Variants in FOXQ1 observed in about 807,000 individuals in gnomAD.
The protein encoded by FOXQ1 is forkhead box protein Q1.
Under a neutral mutation model 0.6 loss-of-function variants are expected in FOXQ1, and 1 was observed. That is an observed-to-expected ratio of 1.73 (90% CI 0.61 to 8.20). FOXQ1 has a LOEUF of 8.20. Among genes scored for constraint, FOXQ1 ranks in the 30% most tolerant of loss-of-function variants. The probability of loss-of-function intolerance (pLI) is 0.13; values close to 1 mark genes in which losing one functional copy is unlikely to be tolerated. For missense variants in FOXQ1, 734 were observed against 595.6 expected (o/e 1.23, Z -2.42); for synonymous variants, 377 against 294.4 (o/e 1.28, Z -2.87).
rs1256212771 is a variant in FOXQ1 at position 1,312,796 on chromosome 6, C to T, written c.92C>T (p.Pro31Leu). Residue 31 changes from proline (P) to leucine (L), a missense_variant, in exon 1 of 1, where the codon CCG becomes CTG. Transcript: ENST00000296839. ...GCGGGCGGCAGCGACGCGCCGTCCC[C>T]GCTGTCGGCGGCGGGAGACGACTCC... Reference protein sequence around the residue: ...EGAGGSDAPSPLSAAGDDSLG... With the variant: ...EGAGGSDAPSLLSAAGDDSLG... 1.2e-5 allele frequency: 15 copies of T among 1,303,060 alleles called. No homozygotes were observed. In the Admixed American group the frequency reaches 2.1e-4, roughly 18 times the overall value. The allele number at this position is 1,303,060 out of a possible 1,614,324, so 80.7% of individuals were successfully genotyped here.
rs1757613042 is a variant in FOXQ1 at position 1,314,596 on chromosome 6, G to A, written c.*680G>A. On this transcript the variant is annotated 3_prime_UTR_variant, in exon 1 of 1. Transcript: ENST00000296839. ...AAGCAATTTCTTTAAAGGAAAAGTT[G>A]ATTATGTATGTGGGGTGCCAGGACC... The A allele has an allele frequency of 6.0e-6, 1 of 166,924 alleles. No individual in the cohort carries two copies. Among genetic ancestry groups the A allele is most frequent in the African/African-American group, 2.4e-5 (1 of 41,444 alleles). The allele number at this position is 166,924 out of a possible 1,614,324, so 10.3% of individuals were successfully genotyped here.
Position 1,312,765 on chromosome 6 carries a change from G to A in FOXQ1, c.61G>A (p.Glu21Lys), listed in dbSNP as rs1757568475. The stretch of plus-strand genomic sequence containing the variant: ...CGGGGACAAGCAGGGCAGTGACCTG[G>A]AGGGCGCGGGCGGCAGCGACGCGCC... ...AHGDKQGSDL[E>K]GAGGSDAPSP... is the part of the protein sequence containing the mutation. The change falls in exon 1 of 1, where the codon GAG becomes AAG. Residue 21 changes from glutamate to lysine, a missense_variant. Glu to Lys is a moderately conservative substitution (Grantham distance 56). Transcript: ENST00000296839. The A allele has an allele frequency of 2.3e-6, 3 of 1,325,054 alleles. No homozygotes were observed. The highest frequency in any genetic ancestry group is 6.2e-5 in the East Asian group (2 of 32,422). 82.1% of individuals were successfully genotyped at this position (1,325,054 alleles called of 1,614,324 possible). A position where few individuals can be genotyped will look rare whatever the true frequency, so the allele number is the denominator to read the frequency against.
chr6:1,312,851 C>T lies in FOXQ1; in HGVS notation c.147C>T (p.Asn49=), dbSNP rs1343247716. Residue 49 remains asparagine, a synonymous_variant, in exon 1 of 1, where the codon AAC becomes AAT. Transcript: ENST00000296839. The stretch of plus-strand genomic sequence containing the variant: ...GCTCAGATGGGGACTGCGCGGCCAA[C>T]AGCCCGGCCGCGGGCGGCGGCGCCA... The part of the protein sequence containing the change: ...SLGSDGDCAA[N]SPAAGGGARD... 7.8e-7 allele frequency: 1 copy of T among 1,277,576 alleles called. No homozygotes were observed. Among genetic ancestry groups the T allele is most frequent in the Non-Finnish European group, 9.9e-7 (1 of 1,014,586 alleles). The allele number at this position is 1,277,576 out of a possible 1,614,324, so 79.1% of individuals were successfully genotyped here. A position where few individuals can be genotyped will look rare whatever the true frequency, so the allele number is the denominator to read the frequency against.
In FOXQ1 at chr6:1,313,367, G is replaced by T; in HGVS notation, c.663G>T (p.Pro221=). ...RRRKRLSHRA[P]VPAPGLRPEE... Reference sequence around the variant, plus strand: ...GCAAGCGCCTCAGCCACCGCGCGCCGGTCCCCGCGCCCGGGCTGCGGCCCG... The same window carrying T: ...GCAAGCGCCTCAGCCACCGCGCGCCTGTCCCCGCGCCCGGGCTGCGGCCCG... Residue 221 remains proline (P), a synonymous_variant, in exon 1 of 1, where the codon CCG becomes CCT. Coordinates refer to ENST00000296839, the MANE Select transcript of FOXQ1 (RefSeq NM_033260.4). This position sits in a 1 kb window ranked among gnomAD's most constrained non-coding sequence, Gnocchi z 5.2. The T allele has an allele frequency of 6.6e-7, 1 of 1,511,138 alleles. No individual in the cohort carries two copies. Among genetic ancestry groups the T allele is most frequent in the Non-Finnish European group, 8.9e-7 (1 of 1,128,818 alleles). 93.6% of individuals were successfully genotyped at this position (1,511,138 alleles called of 1,614,324 possible). A position where few individuals can be genotyped will look rare whatever the true frequency, so the allele number is the denominator to read the frequency against.
Position 1,314,420 on chromosome 6 carries a change from A to G in FOXQ1, c.*504A>G, listed in dbSNP as rs1318002036. On this transcript the variant is annotated 3_prime_UTR_variant, in exon 1 of 1. Transcript: ENST00000296839. ...AGAGGCTCTTCAGTGATTTCTTGCTATTGACCGATGCTTCACTGTGCCAAA... is the reference window on the plus strand; with the variant it reads ...AGAGGCTCTTCAGTGATTTCTTGCTGTTGACCGATGCTTCACTGTGCCAAA... 1.2e-5 allele frequency: 2 copies of G among 166,834 alleles called. No homozygotes were observed. Among genetic ancestry groups the G allele is most frequent in the African/African-American group, 2.4e-5 (1 of 41,440 alleles). The allele number at this position is 166,834 out of a possible 1,614,324, so 10.3% of individuals were successfully genotyped here.
Position 1,313,737 on chromosome 6 carries a change from G to A in FOXQ1, c.1033G>A (p.Ala345Thr). 1 of 1,168,384 alleles carries A rather than the reference G, an allele frequency of 8.6e-7. No individual in the cohort carries two copies. Among genetic ancestry groups the A allele is most frequent in the Non-Finnish European group, 1.1e-6 (1 of 949,514 alleles). 72.4% of individuals were successfully genotyped at this position (1,168,384 alleles called of 1,614,324 possible). The change falls in exon 1 of 1, where the codon GCG becomes ACG. Residue 345 changes from alanine to threonine, a missense_variant. Ala to Thr is a moderately conservative substitution (Grantham distance 58). Transcript: ENST00000296839. This position sits in a 1 kb window ranked among gnomAD's most constrained non-coding sequence, Gnocchi z 5.2. The part of the protein sequence containing the change: ...GAREAEVPPT[A>T]PPLLLAPLPA... ...GCGCGAGGCCGAGGTGCCACCGACC[G>A]CGCCGCCCCTCCTGCTTGCACCTCT... is the stretch of plus-strand genomic sequence containing the variant.
At position 1,312,941 on chromosome 6, in the gene FOXQ1, G is replaced by GGCA; in HGVS notation, c.243_245dup (p.Ala85dup). On this transcript the variant is annotated inframe_insertion, in exon 1 of 1. Transcript: ENST00000296839. ...GGCCGGGCGCGGAGGAGGCGATCCC[G>GGCA]GCAGCAGCTGCTGCAGCGGTGGTGG... is the stretch of plus-strand genomic sequence containing the variant. 3.1e-6 allele frequency: 4 copies of GGCA among 1,278,274 alleles called. No individual in the cohort carries two copies. The highest frequency in any genetic ancestry group is 3.9e-6 in the Non-Finnish European group (4 of 1,015,698). 79.2% of individuals were successfully genotyped at this position (1,278,274 alleles called of 1,614,324 possible). A position where few individuals can be genotyped will look rare whatever the true frequency, so the allele number is the denominator to read the frequency against.
chr6:1,312,301 A>C lies in FOXQ1; in HGVS notation c.-404A>C. ...CGCCCGCGCGGGACCTGGGACCGCC[A>C]GTGAAGAACCCCTCCTGGGCTCTTT... On this transcript the variant is annotated 5_prime_UTR_variant, in exon 1 of 1. Coordinates refer to ENST00000296839, the MANE Select transcript of FOXQ1 (RefSeq NM_033260.4). 1 of 161,858 alleles carries C rather than the reference A, an allele frequency of 6.2e-6. No individual in the cohort carries two copies. Among genetic ancestry groups the C allele is most frequent in the Non-Finnish European group, 1.3e-5 (1 of 74,610 alleles). The allele number at this position is 161,858 out of a possible 1,614,324, so 10.0% of individuals were successfully genotyped here.
In FOXQ1 at chr6:1,312,702, G is replaced by T; in HGVS notation, c.-3G>T. Reference sequence around the variant, plus strand: ...ACGCCGGGGAGGGACTGGGTGCGCGGGCATGAAGTTGGAGGTGTTCGTCCC... The same window carrying T: ...ACGCCGGGGAGGGACTGGGTGCGCGTGCATGAAGTTGGAGGTGTTCGTCCC... On this transcript the variant is annotated 5_prime_UTR_variant, in exon 1 of 1. Coordinates refer to ENST00000296839, the MANE Select transcript of FOXQ1 (RefSeq NM_033260.4). 1 of 1,352,504 alleles carries T rather than the reference G, an allele frequency of 7.4e-7. No individual in the cohort carries two copies. 83.8% of individuals were successfully genotyped at this position (1,352,504 alleles called of 1,614,324 possible). A position where few individuals can be genotyped will look rare whatever the true frequency, so the allele number is the denominator to read the frequency against.
Position 1,313,508 on chromosome 6 carries a change from C to A in FOXQ1, c.804C>A (p.Ser268=). 8.1e-7 allele frequency: 1 copy of A among 1,236,080 alleles called. No individual in the cohort carries two copies. Among genetic ancestry groups the A allele is most frequent in the East Asian group, 5.4e-5 (1 of 18,426 alleles). The allele number at this position is 1,236,080 out of a possible 1,614,324, so 76.6% of individuals were successfully genotyped here. A position where few individuals can be genotyped will look rare whatever the true frequency, so the allele number is the denominator to read the frequency against. The change falls in exon 1 of 1, where the codon TCC becomes TCA. Residue 268 remains serine (S), a synonymous_variant. Transcript: ENST00000296839. This position sits in a 1 kb window ranked among gnomAD's most constrained non-coding sequence, Gnocchi z 5.2. ...GCGCCAGCCCCGCGGGCAAGTTCTCCAGCTCCTTCGCCATCGACAGCATCC... is the reference window on the plus strand; with the variant it reads ...GCGCCAGCCCCGCGGGCAAGTTCTCAAGCTCCTTCGCCATCGACAGCATCC... ...EERASPAGKF[S]SSFAIDSILR...
At position 1,312,462 on chromosome 6, in the gene FOXQ1, C is replaced by T. The variant is rs1405008601; in HGVS notation, c.-243C>T. On this transcript the variant is annotated 5_prime_UTR_variant, in exon 1 of 1. Transcript: ENST00000296839. The stretch of plus-strand genomic sequence containing the variant: ...AGTCTCAACGTCGAACCGAAGGCGA[C>T]ACCCACCCAACTCCTCCCTCTCCGC... 2.1e-6 allele frequency: 1 copy of T among 485,752 alleles called. No homozygotes were observed. The highest frequency in any genetic ancestry group is 3.2e-6 in the Non-Finnish European group (1 of 312,588). The allele number at this position is 485,752 out of a possible 1,614,324, so 30.1% of individuals were successfully genotyped here.
Position 1,314,167 on chromosome 6 carries a change from C to T in FOXQ1, c.*251C>T, listed in dbSNP as rs552534479. ...TAGTTTCTTTGCGAAGCCTGCTCCT[C>T]CTTCCCTTCATAAGGACTTTTTTTG... On this transcript the variant is annotated 3_prime_UTR_variant, in exon 1 of 1. Coordinates refer to ENST00000296839, the MANE Select transcript of FOXQ1 (RefSeq NM_033260.4). 4.8e-6 allele frequency: 2 copies of T among 413,472 alleles called. No individual in the cohort carries two copies. Among genetic ancestry groups the T allele is most frequent in the South Asian group, 1.2e-4 (1 of 8,112 alleles). 25.6% of individuals were successfully genotyped at this position (413,472 alleles called of 1,614,324 possible).
At position 1,312,910 on chromosome 6, in the gene FOXQ1, G is replaced by A. The variant is rs1232183706; in HGVS notation, c.206G>A (p.Gly69Glu). ...DTQGDGEQSA[G>E]GGPGAEEAIP... ...CAGGGCGACGGCGAACAGAGTGCGG[G>A]AGGCGGGCCGGGCGCGGAGGAGGCG... Residue 69 changes from glycine to glutamate, a missense_variant, in exon 1 of 1, where the codon GGA (glycine) becomes GAA (glutamate). Transcript: ENST00000296839. 7.0e-6 allele frequency: 9 copies of A among 1,279,778 alleles called. No individual in the cohort carries two copies. Among genetic ancestry groups the A allele is most frequent in the Non-Finnish European group, 6.9e-6 (7 of 1,017,362 alleles). 79.3% of individuals were successfully genotyped at this position (1,279,778 alleles called of 1,614,324 possible). A position where few individuals can be genotyped will look rare whatever the true frequency, so the allele number is the denominator to read the frequency against.
In FOXQ1 at chr6:1,312,467, A is replaced by T; in HGVS notation, c.-238A>T. The T allele has an allele frequency of 1.9e-6, 1 of 520,938 alleles. No individual in the cohort carries two copies. Among genetic ancestry groups the T allele is most frequent in the Non-Finnish European group, 2.9e-6 (1 of 344,338 alleles). 32.3% of individuals were successfully genotyped at this position (520,938 alleles called of 1,614,324 possible). A position where few individuals can be genotyped will look rare whatever the true frequency, so the allele number is the denominator to read the frequency against. On this transcript the variant is annotated 5_prime_UTR_variant, in exon 1 of 1. Coordinates refer to ENST00000296839, the MANE Select transcript of FOXQ1 (RefSeq NM_033260.4). ...CAACGTCGAACCGAAGGCGACACCC[A>T]CCCAACTCCTCCCTCTCCGCCCCAT...
Position 1,312,997 on chromosome 6 carries a change from C to G in FOXQ1, c.293C>G (p.Pro98Arg), listed in dbSNP as rs1241168547. ...GGCGCGGAGGCCGGGGCGGCGGGGC[C>G]AGGCGCGGGCGGCGCGGGGAGCGGC... is the stretch of plus-strand genomic sequence containing the variant. ...AEGAEAGAAG[P>R]GAGGAGSGEG... is the part of the protein sequence containing the mutation. Residue 98 changes from proline to arginine, a missense_variant, in exon 1 of 1, where the codon CCA becomes CGA. Coordinates refer to ENST00000296839, the MANE Select transcript of FOXQ1 (RefSeq NM_033260.4). 1 of 1,345,160 alleles carries G rather than the reference C, an allele frequency of 7.4e-7. No homozygotes were observed. The highest frequency in any genetic ancestry group is 3.6e-5 in the Admixed American group (1 of 27,456). 83.3% of individuals were successfully genotyped at this position (1,345,160 alleles called of 1,614,324 possible).
rs1458961089 is a variant in FOXQ1 at position 1,312,103 on chromosome 6, G to C, written c.-602G>C. Among the ~76,000 whole-genome samples, 1 of 152,194 alleles carries C rather than the reference G, an allele frequency of 6.6e-6. No homozygotes were observed. Among genetic ancestry groups the C allele is most frequent in the African/African-American group, 2.4e-5 (1 of 41,458 alleles). On this transcript the variant is annotated 5_prime_UTR_variant, in exon 1 of 1. Transcript: ENST00000296839. Reference sequence around the variant, plus strand: ...GCCGGCCCGAAGGTGGAGGCGAGACGCAGCCGCGGCAGGCCAGCGGGGAGA... The same window carrying C: ...GCCGGCCCGAAGGTGGAGGCGAGACCCAGCCGCGGCAGGCCAGCGGGGAGA...
Position 1,313,335 on chromosome 6 carries a change from C to A in FOXQ1, c.631C>A (p.Arg211Ser). Residue 211 changes from arginine to serine, a missense_variant, in exon 1 of 1, where the codon CGC (arginine) becomes AGC (serine). Arg to Ser is a moderately radical substitution (Grantham distance 110). Transcript: ENST00000296839. This position sits in a 1 kb window ranked among gnomAD's most constrained non-coding sequence, Gnocchi z 5.2. ...CACCTTCGCCGACGGGGTCTTCCGC[C>A]GCCGCCGCAAGCGCCTCAGCCACCG... ...EYTFADGVFR[R>S]RRKRLSHRAP... The A allele has an allele frequency of 6.4e-7, 1 of 1,567,768 alleles. No homozygotes were observed.
Position 1,313,063 on chromosome 6 carries a change from C to T in FOXQ1, c.359C>T (p.Pro120Leu). Residue 120 changes from proline to leucine, a missense_variant, in exon 1 of 1, where the codon CCC becomes CTC. By Grantham distance (98) the Pro-to-Leu change is moderately conservative. Coordinates refer to ENST00000296839, the MANE Select transcript of FOXQ1 (RefSeq NM_033260.4). The surrounding 1 kb of genome is among the most constrained non-coding windows in gnomAD (Gnocchi z 5.2). ...RSKPYTRRPK[P>L]PYSYIALIAM... ...AAGCCATATACGCGGCGGCCCAAGC[C>T]CCCCTACTCGTACATCGCGCTCATC... 1 of 1,600,392 alleles carries T rather than the reference C, an allele frequency of 6.2e-7. No individual in the cohort carries two copies. Among genetic ancestry groups the T allele is most frequent in the Non-Finnish European group, 8.5e-7 (1 of 1,173,692 alleles).
Position 1,314,598 on chromosome 6 carries a change from T to TTATGTATGTGGGGTGCCAGGAC in FOXQ1, c.*683_*704dup, listed in dbSNP as rs1158345546. ...GCAATTTCTTTAAAGGAAAAGTTGA[T>TTATGTATGTGGGGTGCCAGGAC]TATGTATGTGGGGTGCCAGGACCAC... On this transcript the variant is annotated 3_prime_UTR_variant, in exon 1 of 1. Transcript: ENST00000296839. 3.6e-5 allele frequency: 6 copies of TTATGTATGTGGGGTGCCAGGAC among 166,966 alleles called. No individual in the cohort carries two copies. The highest frequency in any genetic ancestry group is 1.4e-4 in the African/African-American group (6 of 41,468). 10.3% of individuals were successfully genotyped at this position (166,966 alleles called of 1,614,324 possible). A position where few individuals can be genotyped will look rare whatever the true frequency, so the allele number is the denominator to read the frequency against.
Sources: gnomAD v4.1 joint callset for allele counts (sites outside exome capture counted in the v4.1 genomes callset) on GRCh38, gnomAD v4.1.1 for gene constraint, Gnocchi (gnomAD v3.1) non-coding constraint, MANE v1.5 for transcripts, NCBI Gene and HGNC (gene_info 2026-07-23, HGNC 2026-07-21) for gene names.